Variants in ERAP1 observed in about 807,000 individuals in gnomAD.
ERAP1 encodes the protein adipocyte-derived leucine aminopeptidase.
Under a neutral mutation model 103.7 loss-of-function variants are expected in ERAP1, and 86 were observed. That is an observed-to-expected ratio of 0.83 (90% confidence interval 0.70 to 0.99). The LOEUF (loss-of-function observed/expected upper bound fraction) is 0.99. Among genes scored for constraint, ERAP1 ranks in the 50% least tolerant of loss-of-function variants. ERAP1 has a pLI of 0.00. For missense variants in ERAP1, 1,009 were observed against 1,128.4 expected (o/e 0.89, Z 1.52); for synonymous variants, 398 against 402.4 (o/e 0.99, Z 0.13).
chr5:96,784,311 A>T (rs551307543), intron 13 of ERAP1, among the ~76,000 whole-genome samples: 48 of 152,274 alleles, frequency 3.2e-4, no homozygotes, highest in African/African-American at 1.1e-3. Context: ...CCTGGCCAAC[A>T]TGGTGAAACC....
At chr5:96,886,481 C>CAA in the ERAP1 span, among the ~76,000 whole-genome samples, 248 of 151,708 alleles carry the variant, frequency 1.6e-3, no homozygotes, top group African/African-American at 5.9e-3. Flanking sequence ...GGGGTAAAAG[C>CAA]AATGGAGGTA....
At chr5:96,896,229 A>C in the ERAP1 span, 23 of 583,292 alleles carry the variant, frequency 3.9e-5, no homozygotes, top group Non-Finnish European at 6.5e-5. Context: ...GCCAAAGGGG[A>C]ATACATACAA....
the ERAP1 span, among the ~76,000 whole-genome samples, chr5:96,869,643 G>T: frequency 2.6e-5 from 4 of 152,320 alleles, no homozygotes; most frequent in South Asian, 8.3e-4. Context: ...GGAGAGTTAG[G>T]AAGACAGCTG....
At chr5:96,802,395 A>AGCT (rs1178334589) in intron 2 of ERAP1, among the ~76,000 whole-genome samples, 1 of 152,036 alleles carries the variant, frequency 6.6e-6, no homozygotes, top group Non-Finnish European at 1.5e-5. Context: ...ATATAAAATA[A>AGCT]TATATATGCA....
the ERAP1 span, among the ~76,000 whole-genome samples, chr5:96,825,958 C>T: frequency 6.6e-6 from 1 of 152,142 alleles, no homozygotes. Flanking sequence ...CTTTGTATCC[C>T]CAGCACCAAG....
chr5:96,910,542 A>C, the ERAP1 span, among the ~76,000 whole-genome samples: 1 of 152,154 alleles, frequency 6.6e-6, no homozygotes, highest in Non-Finnish European at 1.5e-5. Flanking sequence ...TGAAGCTAAA[A>C]TGTAAACATC....
At chr5:96,917,388 T>G in the ERAP1 span, 20 of 1,364,194 alleles carry the variant, frequency 1.5e-5, no homozygotes, top group East Asian at 5.4e-5. Context: ...CCCGAAGTGC[T>G]GGGATTACAG....
the ERAP1 span, among the ~76,000 whole-genome samples, chr5:96,924,167 T>C: frequency 1.3e-5 from 2 of 152,246 alleles, no homozygotes; most frequent in African/African-American, 2.4e-5. Context: ...ATGTATTATG[T>C]ATGTATCCTG....
chr5:96,855,430 C>T, the ERAP1 span, among the ~76,000 whole-genome samples: 1 of 152,138 alleles, frequency 6.6e-6, no homozygotes, highest in Non-Finnish European at 1.5e-5. Flanking sequence ...CTATATCTCA[C>T]ACTGGAGACA....
At chr5:96,932,097 T>C in the ERAP1 span, among the ~76,000 whole-genome samples, 1 of 152,188 alleles carries the variant, frequency 6.6e-6, no homozygotes, top group African/African-American at 2.4e-5. Context: ...TATTCTGCTT[T>C]CTTCTGTGCT....
chr5:96,794,702 A>G (rs908423160), intron 5 of ERAP1, among the ~76,000 whole-genome samples: 1 of 152,230 alleles, frequency 6.6e-6, no homozygotes, highest in African/African-American at 2.4e-5. Context: ...CAGTTTGTTG[A>G]GCATCCTCTG....
chr5:96,849,156 C>T, the ERAP1 span, among the ~76,000 whole-genome samples: 1 of 151,866 alleles, frequency 6.6e-6, no homozygotes, highest in Non-Finnish European at 1.5e-5. Context: ...TATGACAAAC[C>T]CAGAGCTAAC....
the ERAP1 span, chr5:96,912,502 G>T: frequency 1.9e-6 from 1 of 536,968 alleles, no homozygotes; most frequent in Non-Finnish European, 3.1e-6. Context: ...TAAGAGTTCG[G>T]CAGAGAAAAA....
At chr5:96,851,798 T>C in the ERAP1 span, among the ~76,000 whole-genome samples, 1 of 152,094 alleles carries the variant, frequency 6.6e-6, no homozygotes, top group Admixed American at 6.6e-5. Flanking sequence ...GTAAGTATTG[T>C]ATGCCGGCAC....
chr5:96,825,824 A>G, the ERAP1 span, among the ~76,000 whole-genome samples: 1 of 150,992 alleles, frequency 6.6e-6, no homozygotes, highest in South Asian at 2.1e-4. Flanking sequence ...TGCTAACATC[A>G]TAAGATGCCA....
the ERAP1 span, among the ~76,000 whole-genome samples, chr5:96,849,913 A>G: frequency 6.6e-6 from 1 of 152,176 alleles, no homozygotes; most frequent in East Asian, 1.9e-4. Context: ...AAGCAGACAC[A>G]TCAACCAATG....
the ERAP1 span, chr5:96,902,490 T>C: frequency 1.8e-6 from 1 of 571,014 alleles, no homozygotes; most frequent in Admixed American, 3.2e-5. Flanking sequence ...TATCCATATG[T>C]TACTAAAATA....
At position 96,776,276 on chromosome 5, in the gene ERAP1, A is replaced by C; in HGVS notation, c.*120T>G. 1 of 1,532,096 alleles carries C rather than the reference A, an allele frequency of 6.5e-7. No homozygotes were observed. Among genetic ancestry groups the C allele is most frequent in the Non-Finnish European group, 8.7e-7 (1 of 1,145,460 alleles). The allele number at this position is 1,532,096 out of a possible 1,614,324, so 94.9% of individuals were successfully genotyped here. ...TTCTTTTCACAGGGATAGTCAAAAA[A>C]TGAGTTGAAGGGAAAAAAGTATCTC... On this transcript the variant is annotated 3_prime_UTR_variant, in exon 19 of 19. Transcript: ENST00000443439.
At position 96,775,135 on chromosome 5, in the gene ERAP1, G is replaced by A; in HGVS notation, c.*1261C>T. On this transcript the variant is annotated 3_prime_UTR_variant, in exon 19 of 19. Transcript: ENST00000443439. ...TAAGAAATAAAATCTAATTCTTAGGGTATTAACTGACTTGACTTGAACTCC... is the reference window on the plus strand; with the variant it reads ...TAAGAAATAAAATCTAATTCTTAGGATATTAACTGACTTGACTTGAACTCC... 5 of 985,458 alleles carry A rather than the reference G, an allele frequency of 5.1e-6. No individual in the cohort carries two copies. Among genetic ancestry groups the A allele is most frequent in the South Asian group, 4.7e-5 (1 of 21,280 alleles). The allele number at this position is 985,458 out of a possible 1,614,324, so 61.0% of individuals were successfully genotyped here. A position where few individuals can be genotyped will look rare whatever the true frequency, so the allele number is the denominator to read the frequency against.
Sources: allele counts gnomAD v4.1 joint callset (sites outside exome capture counted in the v4.1 genomes callset), GRCh38; gene constraint gnomAD v4.1.1; transcripts MANE v1.5; gene names NCBI Gene and HGNC (gene_info 2026-07-23, HGNC 2026-07-21).